PPM1L: variants seen among roughly 807,000 people sequenced by gnomAD.
The protein encoded by PPM1L is protein phosphatase 1L.
In PPM1L, 13 loss-of-function variants were observed where a neutral mutation model predicts 31.4. That is an observed-to-expected ratio of 0.41 (90% CI 0.27 to 0.66). The LOEUF (loss-of-function observed/expected upper bound fraction) is 0.66. PPM1L is among the 30% of genes least tolerant of loss of function. The pLI, the probability that PPM1L is intolerant of heterozygous loss-of-function variation, is 0.29. For missense variants in PPM1L, 326 were observed against 453.7 expected, an observed-to-expected ratio of 0.72 and a Z score of 2.56; for synonymous variants, 184 against 175.4, an observed-to-expected ratio of 1.05 and a Z score of -0.39.
At position 161,070,890 on chromosome 3, in the gene PPM1L, C is replaced by CT. The variant is rs1418667803; in HGVS notation, c.*1736dup. 7 of 152,238 alleles carry CT rather than the reference C, an allele frequency of 4.6e-5. No individual in the cohort carries two copies. The allele number at this position is 152,238 out of a possible 1,614,324, so 9.4% of individuals were successfully genotyped here. Reference sequence around the variant, plus strand: ...TGTCTTGATTTCTCCAAGCACTTAACTTTCTTTGACTGCACTGAGAATTGC... The same window carrying CT: ...TGTCTTGATTTCTCCAAGCACTTAACTTTTCTTTGACTGCACTGAGAATTGC... On this transcript the variant is annotated 3_prime_UTR_variant, in exon 4 of 4. Transcript: ENST00000498165.
At chr3:160,772,919 G>A (rs867172825) in intron 1 of PPM1L, among the ~76,000 whole-genome samples, 4 of 151,646 alleles carry the variant, frequency 2.6e-5, no homozygotes, top group Middle Eastern at 3.4e-3. Flanking sequence ...TTTTATTGCT[G>A]AATAGTATCC....
chr3:160,923,518 T>G (rs1338950780), intron 1 of PPM1L, among the ~76,000 whole-genome samples: 2 of 152,196 alleles, frequency 1.3e-5, no homozygotes, highest in African/African-American at 4.8e-5. Flanking sequence ...TGCAACTGGT[T>G]TCTGAAATGG....
chr3:161,026,374 CAT>C (rs1718388518), intron 2 of PPM1L, among the ~76,000 whole-genome samples: 1 of 152,134 alleles, frequency 6.6e-6, no homozygotes, highest in South Asian at 2.1e-4. Context: ...GAAGAGGTAA[CAT>C]CTTAGTCAAG....
chr3:160,782,912 T>G (rs979642995), intron 1 of PPM1L, among the ~76,000 whole-genome samples: 4 of 152,224 alleles, frequency 2.6e-5, no homozygotes, highest in African/African-American at 7.2e-5. Context: ...GTGTTATTCT[T>G]TATTTTAATA....
chr3:161,003,601 A>G (rs944716807), intron 2 of PPM1L, among the ~76,000 whole-genome samples: 8 of 152,116 alleles, frequency 5.3e-5, no homozygotes, highest in African/African-American at 1.4e-4. Flanking sequence ...CTTTGATGCA[A>G]TTGTGAATGG....
At position 161,013,624 on chromosome 3, in the gene PPM1L, G is replaced by T. The variant is rs551262518; in HGVS notation, c.574+51714G>T. ...GATCTGTCTAATGTTGACAGTGGGGGGTTAAAGTCTCCCATTATTATTGTG... is the reference window on the plus strand; with the variant it reads ...GATCTGTCTAATGTTGACAGTGGGGTGTTAAAGTCTCCCATTATTATTGTG... On this transcript the variant is annotated intron_variant, in intron 2 of 3. Transcript: ENST00000498165. Among the ~76,000 whole-genome samples, 18 of 152,042 alleles carry T rather than the reference G, an allele frequency of 1.2e-4. No homozygotes were observed. In the East Asian group the frequency reaches 1.9e-3, roughly 16 times the overall value.
Position 160,944,964 on chromosome 3 carries a change from C to CT in PPM1L, c.400-16772_400-16771insT, listed in dbSNP as rs1559897474. Reference sequence around the variant, plus strand: ...TATATAACTATATATAACTATATAACATATATTATATATAACTATATATAA... The same window carrying CT: ...TATATAACTATATATAACTATATAACTATATATTATATATAACTATATATAA... On this transcript the variant is annotated intron_variant, in intron 1 of 3. Transcript: ENST00000498165. 1.1e-3 allele frequency among the ~76,000 whole-genome samples: 52 copies of CT among 47,690 alleles called. 7 individuals are homozygous for CT. Among genetic ancestry groups the CT allele is most frequent in the African/African-American group, 4.4e-3 (49 of 11,128 alleles). The allele number at this position is 47,690 out of a possible 152,430, so 31.3% of individuals were successfully genotyped here.
intron 1 of PPM1L, among the ~76,000 whole-genome samples, chr3:160,759,323 G>A (rs62272778): frequency 0.033 from 5,050 of 152,224 alleles, 123 homozygotes; most frequent in Middle Eastern, 0.12. Flanking sequence ...ACTAGGGCCC[G>A]TCTGTAATTG....
intron 1 of PPM1L, among the ~76,000 whole-genome samples, chr3:160,939,383 T>C (rs1255699575): frequency 6.6e-6 from 1 of 152,162 alleles, no homozygotes; most frequent in Non-Finnish European, 1.5e-5. Flanking sequence ...ATTATTCTGC[T>C]CCGCAACTCC....
At chr3:160,881,873 A>T (rs4679918) in intron 1 of PPM1L, among the ~76,000 whole-genome samples, 113,731 of 151,876 alleles carry the variant, frequency 0.75, 42,971 homozygotes, top group Middle Eastern at 0.83. Flanking sequence ...AACACAGTGA[A>T]ACCCCGTCTC....
chr3:160,923,173 G>C (rs1220739234), intron 1 of PPM1L, among the ~76,000 whole-genome samples: 2 of 152,158 alleles, frequency 1.3e-5, no homozygotes, highest in East Asian at 3.9e-4. Flanking sequence ...TCACTGATGA[G>C]GTTTATTTTT....
chr3:160,837,141 C>T (rs576453123), intron 1 of PPM1L, among the ~76,000 whole-genome samples: 78 of 152,086 alleles, frequency 5.1e-4, no homozygotes, highest in East Asian at 2.3e-3. Flanking sequence ...TAACTGTGAA[C>T]TCACAGGTTG....
At chr3:161,020,170 A>C (rs1387865668) in intron 2 of PPM1L, among the ~76,000 whole-genome samples, 2 of 151,986 alleles carry the variant, frequency 1.3e-5, no homozygotes, top group East Asian at 3.9e-4. Flanking sequence ...AAAACAAGAC[A>C]TCTCCTAACT....
chr3:160,981,813 A>C (rs894215474), intron 2 of PPM1L, among the ~76,000 whole-genome samples: 4 of 150,856 alleles, frequency 2.7e-5, no homozygotes, highest in African/African-American at 9.8e-5. Context: ...CTCAGGCTGG[A>C]GTACAATGGC....
At chr3:160,944,812 A>ATGTTATATATTATAT (rs1491095504) in intron 1 of PPM1L, among the ~76,000 whole-genome samples, 1 of 18,042 alleles carries the variant, frequency 5.5e-5, no homozygotes, top group African/African-American at 1.4e-4. Context: ...CATATATAAC[A>ATGTTATATATTATAT]TATATATGTT....
chr3:160,828,906 G>A (rs902313879), intron 1 of PPM1L, among the ~76,000 whole-genome samples: 2 of 152,074 alleles, frequency 1.3e-5, no homozygotes, highest in Admixed American at 6.6e-5. Context: ...CTGAGAAAAT[G>A]CATAATTTTT....
chr3:160,894,057 T>G lies in PPM1L; in HGVS notation c.400-67679T>G, dbSNP rs182130220. 1.3e-3 allele frequency among the ~76,000 whole-genome samples: 205 copies of G among 152,280 alleles called. 1 individual carries two copies. Among genetic ancestry groups the G allele is most frequent in the African/African-American group, 4.7e-3 (197 of 41,570 alleles). On this transcript the variant is annotated intron_variant, in intron 1 of 3. Transcript: ENST00000498165. The stretch of plus-strand genomic sequence containing the variant: ...GGCTAGACTATGTTGTTCAGTAGGT[T>G]AGGTATATTAAATACATTTTTGACT...
chr3:160,790,238 G>C (rs1007022636), intron 1 of PPM1L, among the ~76,000 whole-genome samples: 4 of 152,072 alleles, frequency 2.6e-5, no homozygotes, highest in Non-Finnish European at 4.4e-5. Context: ...ATGATATTAC[G>C]CTGATAAATG....
intron 1 of PPM1L, among the ~76,000 whole-genome samples, chr3:160,758,409 ATTTAT>A (rs1302424813): frequency 2.6e-5 from 4 of 152,040 alleles, no homozygotes; most frequent in African/African-American, 9.7e-5. Context: ...ACAAGCTTAT[ATTTAT>A]TATATATTTT....
Sources: allele counts gnomAD v4.1 joint callset (sites outside exome capture counted in the v4.1 genomes callset), GRCh38; gene constraint gnomAD v4.1.1; transcripts MANE v1.5; gene names NCBI Gene and HGNC (gene_info 2026-07-23, HGNC 2026-07-21).